Variants in CADM2 observed in about 807,000 individuals in gnomAD.
CADM2 encodes immunoglobulin superfamily member 4D.
CADM2 carries 12 observed loss-of-function variants against 49.8 expected under a neutral mutation model. The ratio of observed to expected loss-of-function variants is 0.24; its 90% CI spans 0.15 to 0.39. CADM2 has a LOEUF of 0.39. CADM2 is among the 10% of genes least tolerant of loss of function. CADM2 has a pLI of 1.00. For missense variants in CADM2, 378 were observed against 492.3 expected, an observed-to-expected ratio of 0.77 and a Z score of 2.20; for synonymous variants, 214 against 175.4, an observed-to-expected ratio of 1.22 and a Z score of -1.74.
intron 1 of CADM2, among the ~76,000 whole-genome samples, chr3:85,067,794 T>C (rs575300647): frequency 1.1e-4 from 16 of 152,224 alleles, no homozygotes; most frequent in Admixed American, 2.0e-4. Context: ...GAAATACTTA[T>C]TTACATTGTT....
chr3:85,541,775 T>TTATATA lies in CADM2; in HGVS notation c.62-184733_62-184728dup, dbSNP rs10576590. Among the ~76,000 whole-genome samples the TTATATA allele has an allele frequency of 2.6e-3, 229 of 88,302 alleles. 9 individuals carry two copies. The highest frequency in any genetic ancestry group is 7.1e-3 in the African/African-American group (219 of 30,728). 57.9% of individuals were successfully genotyped at this position (88,302 alleles called of 152,430 possible). On this transcript the variant is annotated intron_variant, in intron 1 of 9. Coordinates refer to ENST00000383699, the MANE Select transcript of CADM2 (RefSeq NM_001167675.2). ...ATATTTTATATATATATTTTATATT[T>TTATATA]TATATATATATATATATATGTATAG...
intron 1 of CADM2, among the ~76,000 whole-genome samples, chr3:85,714,575 C>T (rs1178472674): frequency 1.3e-5 from 2 of 151,830 alleles, no homozygotes; most frequent in African/African-American, 2.4e-5. Context: ...TACAGACACC[C>T]GCCACCACGC....
At chr3:85,112,278 G>A (rs901192511) in intron 1 of CADM2, among the ~76,000 whole-genome samples, 10 of 151,394 alleles carry the variant, frequency 6.6e-5, no homozygotes, top group Admixed American at 5.3e-4. Flanking sequence ...TATGTGTCAT[G>A]TACAAAACAA....
At position 86,040,487 on chromosome 3, in the gene CADM2, C is replaced by T. The variant is rs190416885; in HGVS notation, c.971-25118C>T. Reference sequence around the variant, plus strand: ...CAACTGGAAGAAAGGGTATCAGTGACGGAAGATCAAATGAATTAAATGAAG... The same window carrying T: ...CAACTGGAAGAAAGGGTATCAGTGATGGAAGATCAAATGAATTAAATGAAG... On this transcript the variant is annotated intron_variant, in intron 8 of 9. Coordinates refer to ENST00000383699, the MANE Select transcript of CADM2 (RefSeq NM_001167675.2). Among the ~76,000 whole-genome samples the T allele has an allele frequency of 1.3e-4, 20 of 152,008 alleles. No individual in the cohort carries two copies. The East Asian group carries it at 1.5e-3, about 12-fold the overall frequency.
chr3:85,061,126 C>T (rs1344736747), intron 1 of CADM2, among the ~76,000 whole-genome samples: 2 of 152,034 alleles, frequency 1.3e-5, no homozygotes, highest in South Asian at 2.1e-4. Flanking sequence ...GTCATACTTT[C>T]CTTGTGACTT....
intron 1 of CADM2, among the ~76,000 whole-genome samples, chr3:85,662,955 A>G (rs2065454727): frequency 6.6e-6 from 1 of 152,146 alleles, no homozygotes; most frequent in East Asian, 1.9e-4. Flanking sequence ...CTCATGCTTG[A>G]ATCCTACCCT....
chr3:85,245,521 A>AG (rs1182506441), intron 1 of CADM2, among the ~76,000 whole-genome samples: 239 of 151,662 alleles, frequency 1.6e-3, no homozygotes, highest in African/African-American at 5.4e-3. Flanking sequence ...AAAAAAAAAA[A>AG]AGATAATAAT....
chr3:85,981,656 C>T (rs1727502281), intron 8 of CADM2, among the ~76,000 whole-genome samples: 1 of 151,632 alleles, frequency 6.6e-6, no homozygotes, highest in African/African-American at 2.4e-5. Flanking sequence ...TGGCCTGCAG[C>T]TGCATCTTTG....
chr3:85,522,052 A>T (rs1310230809), intron 1 of CADM2, among the ~76,000 whole-genome samples: 1 of 151,948 alleles, frequency 6.6e-6, no homozygotes, highest in Non-Finnish European at 1.5e-5. Flanking sequence ...GACAGTATTT[A>T]TTTTTGTTTC....
intron 1 of CADM2, among the ~76,000 whole-genome samples, chr3:85,092,926 TA>T (rs1311071908): frequency 6.6e-6 from 1 of 152,198 alleles, no homozygotes; most frequent in Non-Finnish European, 1.5e-5. Context: ...CATTGAAATC[TA>T]CAGTTTGTCA....
At chr3:85,920,594 T>C (rs1427758219) in intron 6 of CADM2, among the ~76,000 whole-genome samples, 1 of 151,810 alleles carries the variant, frequency 6.6e-6, no homozygotes, top group African/African-American at 2.4e-5. Context: ...GTTACATTTA[T>C]GTATATTACC....
At chr3:85,620,442 A>T (rs909766225) in intron 1 of CADM2, among the ~76,000 whole-genome samples, 4 of 152,078 alleles carry the variant, frequency 2.6e-5, no homozygotes, top group African/African-American at 9.6e-5. Context: ...TGTTCTAAAT[A>T]AAACAACTTA....
chr3:85,513,043 A>G (rs1300449543), intron 1 of CADM2, among the ~76,000 whole-genome samples: 2 of 152,080 alleles, frequency 1.3e-5, no homozygotes, highest in Non-Finnish European at 2.9e-5. Flanking sequence ...AGATACGTGT[A>G]ATATCTAAAT....
chr3:85,355,900 G>A (rs777864054), intron 1 of CADM2, among the ~76,000 whole-genome samples: 2 of 152,026 alleles, frequency 1.3e-5, no homozygotes, highest in Non-Finnish European at 2.9e-5. Flanking sequence ...CACGTTTCAT[G>A]TTTGTTGTAA....
At chr3:85,898,904 G>A (rs1172580658) in intron 5 of CADM2, among the ~76,000 whole-genome samples, 1 of 113,586 alleles carries the variant, frequency 8.8e-6, no homozygotes, top group East Asian at 2.6e-4. Flanking sequence ...CAAAATGTTT[G>A]TACTACTTCA....
intron 1 of CADM2, among the ~76,000 whole-genome samples, chr3:85,505,666 T>G (rs2040318609): frequency 6.6e-6 from 1 of 152,282 alleles, no homozygotes; most frequent in Admixed American, 6.5e-5. Context: ...ATGTTAGAGA[T>G]ATATTACATT....
chr3:85,860,412 A>G (rs143136572), intron 3 of CADM2, among the ~76,000 whole-genome samples: 121 of 152,266 alleles, frequency 7.9e-4, no homozygotes, highest in African/African-American at 2.8e-3. Context: ...AAAAAACAAG[A>G]AAGAGGAATA....
In CADM2 at chr3:85,194,784, G is replaced by A. The variant is rs117362122; in HGVS notation, c.61+235116G>A. Among the ~76,000 whole-genome samples the A allele has an allele frequency of 2.9e-4, 44 of 151,990 alleles. No individual in the cohort carries two copies. The East Asian group carries it at 5.4e-3, about 19-fold the overall frequency. ...ATTCTTACATAGATTAAGAAGTGTC[G>A]TGATCCCATTATTCCAGGATGCATA... On this transcript the variant is annotated intron_variant, in intron 1 of 9. Coordinates refer to ENST00000383699, the MANE Select transcript of CADM2 (RefSeq NM_001167675.2).
chr3:85,520,379 G>A (rs2061003412), intron 1 of CADM2, among the ~76,000 whole-genome samples: 1 of 151,792 alleles, frequency 6.6e-6, no homozygotes, highest in Non-Finnish European at 1.5e-5. Flanking sequence ...ATCAAAATAT[G>A]TTGATTTCTG....
Sources: gnomAD v4.1 joint callset for allele counts (sites outside exome capture counted in the v4.1 genomes callset) on GRCh38, gnomAD v4.1.1 for gene constraint, MANE v1.5 for transcripts, NCBI Gene and HGNC (gene_info 2026-07-23, HGNC 2026-07-21) for gene names.